The following GUCY1A2 variants were observed in gnomAD, a reference collection of about 807,000 sequenced individuals.
GUCY1A2 encodes the protein guanylate cyclase soluble subunit alpha-2.
GUCY1A2 carries 27 observed loss-of-function variants against 63.5 expected under a neutral mutation model. The observed-to-expected ratio is 0.43, with a 90% CI of 0.31 to 0.59. The LOEUF (loss-of-function observed/expected upper bound fraction) is 0.59. GUCY1A2 is among the 20% of genes least tolerant of loss of function. The pLI is 0.11. For missense variants in GUCY1A2, 768 were observed against 913.3 expected (o/e 0.84, Z 2.05); for synonymous variants, 364 against 343.5 (o/e 1.06, Z -0.66).
intron 4 of GUCY1A2, among the ~76,000 whole-genome samples, chr11:106,903,319 T>C (rs1228570629): frequency 6.6e-6 from 1 of 152,210 alleles, no homozygotes; most frequent in African/African-American, 2.4e-5. Flanking sequence ...TTCAACTGTA[T>C]TGCCTCACTA....
chr11:106,993,811 T>C (rs1348513610), intron 1 of GUCY1A2, among the ~76,000 whole-genome samples: 1 of 152,196 alleles, frequency 6.6e-6, no homozygotes, highest in East Asian at 1.9e-4. Context: ...AACAACCTTC[T>C]CTGGGTAATC....
At position 106,675,300 on chromosome 11, in the gene GUCY1A2, C is replaced by G; in HGVS notation, c.*12249G>C. 1 of 190,776 alleles carries G rather than the reference C, an allele frequency of 5.2e-6. No homozygotes were observed. Among genetic ancestry groups the G allele is most frequent in the Non-Finnish European group, 1.1e-5 (1 of 92,574 alleles). The allele number at this position is 190,776 out of a possible 1,614,324, so 11.8% of individuals were successfully genotyped here. On this transcript the variant is annotated 3_prime_UTR_variant, in exon 8 of 8. Transcript: ENST00000526355. ...TTTTTTTTTTTTAAATAAAGAAAAA[C>G]CTTTCCATCCAACTTGAAGAAAAAT...
chr11:106,847,221 T>C (rs1015210365), intron 4 of GUCY1A2, among the ~76,000 whole-genome samples: 2 of 104,170 alleles, frequency 1.9e-5, no homozygotes, highest in African/African-American at 3.2e-5. Context: ...TATAGTGATA[T>C]TGCAAAACTC....
At chr11:106,899,947 A>C (rs1369176825) in intron 4 of GUCY1A2, among the ~76,000 whole-genome samples, 1 of 152,008 alleles carries the variant, frequency 6.6e-6, no homozygotes, top group African/African-American at 2.4e-5. Context: ...TTAGCCAGGC[A>C]TGGTAGCAGG....
At chr11:106,766,719 T>A (rs750084829) in intron 6 of GUCY1A2, among the ~76,000 whole-genome samples, 1 of 152,120 alleles carries the variant, frequency 6.6e-6, no homozygotes, top group Non-Finnish European at 1.5e-5. Context: ...TTATGTGTTG[T>A]ATCTTGCTAT....
intron 1 of GUCY1A2, among the ~76,000 whole-genome samples, chr11:106,997,856 G>A (rs1861561438): frequency 6.6e-6 from 1 of 152,072 alleles, no homozygotes; most frequent in African/African-American, 2.4e-5. Context: ...GATAATGTAT[G>A]TGAAAAACAT....
Position 106,708,476 on chromosome 11 carries a change from G to A in GUCY1A2, c.1991+36C>T, listed in dbSNP as rs757843621. The A allele has an allele frequency of 7.6e-6, 12 of 1,575,228 alleles. No homozygotes were observed. The South Asian group carries it at 1.4e-4, about 18-fold the overall frequency. ...GACAGCATAGCAGCCCAAAACAAAG[G>A]CCAAGACAGGAAGGAGGAGGCCAGA... is the stretch of plus-strand genomic sequence containing the variant. On this transcript the variant is annotated intron_variant, in intron 7 of 7. Coordinates refer to ENST00000526355, the MANE Select transcript of GUCY1A2 (RefSeq NM_000855.3).
At chr11:106,793,442 A>G (rs1387078805) in intron 5 of GUCY1A2, among the ~76,000 whole-genome samples, 3 of 152,168 alleles carry the variant, frequency 2.0e-5, no homozygotes, top group Non-Finnish European at 4.4e-5. Flanking sequence ...TGGCCTTAGC[A>G]ATGAGTTTTT....
intron 6 of GUCY1A2, among the ~76,000 whole-genome samples, chr11:106,756,378 G>T (rs1345357155): frequency 1.3e-5 from 2 of 152,156 alleles, no homozygotes; most frequent in African/African-American, 4.8e-5. Context: ...GTGTGAATTT[G>T]ATTTTGTCCT....
At position 106,738,937 on chromosome 11, in the gene GUCY1A2, A is replaced by G. The variant is rs527456487; in HGVS notation, c.1837-30271T>C. ...TTTTCTAATTCTGTGAAGAAAGTCA[A>G]TGGTAACTTGATGGGGATAGCATTG... On this transcript the variant is annotated intron_variant, in intron 6 of 7. Coordinates refer to ENST00000526355, the MANE Select transcript of GUCY1A2 (RefSeq NM_000855.3). Among the ~76,000 whole-genome samples the G allele has an allele frequency of 1.2e-3, 180 of 152,220 alleles. 1 individual carries two copies. Among genetic ancestry groups the G allele is most frequent in the African/African-American group, 4.1e-3 (171 of 41,534 alleles).
At chr11:106,762,182 G>T (rs2135392446) in intron 6 of GUCY1A2, among the ~76,000 whole-genome samples, 1 of 152,118 alleles carries the variant, frequency 6.6e-6, no homozygotes, top group South Asian at 2.1e-4. Flanking sequence ...CACAATAAAA[G>T]AAATGGAGAA....
intron 1 of GUCY1A2, among the ~76,000 whole-genome samples, chr11:107,005,252 G>A (rs1481831338): frequency 6.6e-6 from 1 of 152,148 alleles, no homozygotes; most frequent in African/African-American, 2.4e-5. Flanking sequence ...ACATAATTTG[G>A]TAATTTTTTA....
chr11:106,927,725 C>T (rs749757192), intron 4 of GUCY1A2, among the ~76,000 whole-genome samples: 4 of 151,576 alleles, frequency 2.6e-5, no homozygotes, highest in Admixed American at 6.6e-5. Context: ...CCACCACGCC[C>T]GGCTAATTTT....
chr11:106,682,929 C>T lies in GUCY1A2; in HGVS notation c.*4620G>A, dbSNP rs1002860276. ...TGCACACTATCTCAGTATAGCCTGA[C>T]AAGATTGTTAATCTGTATGTAATAT... On this transcript the variant is annotated 3_prime_UTR_variant, in exon 8 of 8. Transcript: ENST00000526355. The T allele has an allele frequency of 1.4e-5, 3 of 215,744 alleles. No homozygotes were observed. The highest frequency in any genetic ancestry group is 6.8e-5 in the African/African-American group (3 of 44,364). 13.4% of individuals were successfully genotyped at this position (215,744 alleles called of 1,614,324 possible). A position where few individuals can be genotyped will look rare whatever the true frequency, so the allele number is the denominator to read the frequency against.
chr11:106,913,853 C>T (rs1315893264), intron 4 of GUCY1A2, among the ~76,000 whole-genome samples: 1 of 151,692 alleles, frequency 6.6e-6, no homozygotes, highest in Non-Finnish European at 1.5e-5. Flanking sequence ...TGCTTGAAGG[C>T]CAAAGTGTTC....
chr11:106,905,885 A>C (rs1860198086), intron 4 of GUCY1A2, among the ~76,000 whole-genome samples: 1 of 152,138 alleles, frequency 6.6e-6, no homozygotes, highest in Non-Finnish European at 1.5e-5. Flanking sequence ...GAACTGCAGC[A>C]ACACGTATAA....
At chr11:106,758,632 G>A (rs1318269957) in intron 6 of GUCY1A2, among the ~76,000 whole-genome samples, 1 of 152,178 alleles carries the variant, frequency 6.6e-6, no homozygotes, top group African/African-American at 2.4e-5. Context: ...CGGCCATCTT[G>A]AAAGCTCACC....
At chr11:106,789,886 G>T (rs982138904) in intron 5 of GUCY1A2, among the ~76,000 whole-genome samples, 1 of 152,092 alleles carries the variant, frequency 6.6e-6, no homozygotes, top group Non-Finnish European at 1.5e-5. Flanking sequence ...GAGCCACCTG[G>T]GGCTTGGGAT....
intron 3 of GUCY1A2, among the ~76,000 whole-genome samples, chr11:106,952,579 C>A (rs1157950879): frequency 6.6e-6 from 1 of 152,002 alleles, no homozygotes; most frequent in Non-Finnish European, 1.5e-5. Context: ...GATTTTTGCA[C>A]ACTAATTTTG....
Sources: gnomAD v4.1 joint callset for allele counts (sites outside exome capture counted in the v4.1 genomes callset) on GRCh38, gnomAD v4.1.1 for gene constraint, MANE v1.5 for transcripts, NCBI Gene and HGNC (gene_info 2026-07-23, HGNC 2026-07-21) for gene names.